ANKRD10: variants seen among roughly 807,000 people sequenced by gnomAD.
ANKRD10 encodes the protein ankyrin repeat domain 10.
A neutral mutation model predicts 27.0 loss-of-function variants in ANKRD10; 14 were observed. That is an observed-to-expected ratio of 0.52 (90% CI 0.34 to 0.81). The LOEUF is 0.81. ANKRD10 is among the 40% of genes least tolerant of loss of function. ANKRD10 has a pLI of 0.01. For synonymous variants in ANKRD10, 250 were observed against 224.5 expected (o/e 1.11, Z -1.01); for missense variants, 493 against 544.0 (o/e 0.91, Z 0.93).
At chr13:110,914,110 G>A (rs1383212445) in intron 1 of ANKRD10, among the ~76,000 whole-genome samples, 1 of 152,206 alleles carries the variant, frequency 6.6e-6, no homozygotes, top group African/African-American at 2.4e-5. Context: ...CCCAGAAGCT[G>A]GAGAGCCGGC....
chr13:110,883,770 G>A lies in ANKRD10; in HGVS notation c.715C>T (p.Pro239Ser). Residue 239 changes from proline to serine, a missense_variant, in exon 5 of 6, where the codon CCA becomes TCA. By Grantham distance (74) the Pro-to-Ser change is moderately conservative. Transcript: ENST00000267339. Reference sequence around the variant, plus strand: ...TCTTCTGTGTCGCCATTCGTGAGTGGCACGGCAGAATCCAAGCTTTGAGCT... The same window carrying A: ...TCTTCTGTGTCGCCATTCGTGAGTGACACGGCAGAATCCAAGCTTTGAGCT... ...TEAQSLDSAV[P>S]LTNGDTEDDA... 6.2e-7 allele frequency: 1 copy of A among 1,614,056 alleles called. No individual in the cohort carries two copies. Among genetic ancestry groups the A allele is most frequent in the Non-Finnish European group, 8.5e-7 (1 of 1,179,978 alleles).
intron 5 of ANKRD10, among the ~76,000 whole-genome samples, chr13:110,882,177 C>T (rs1175410678): frequency 6.6e-6 from 1 of 152,140 alleles, no homozygotes; most frequent in Non-Finnish European, 1.5e-5. Context: ...AAACTAGGGG[C>T]ATTTAAAATG....
intron 1 of ANKRD10, among the ~76,000 whole-genome samples, chr13:110,912,225 T>A (rs999192647): frequency 2.0e-5 from 3 of 152,180 alleles, no homozygotes; most frequent in Admixed American, 2.0e-4. Flanking sequence ...TGCAAGCAAT[T>A]CTCTTCAAGA....
chr13:110,892,435 AAT>A (rs1491132325), intron 4 of ANKRD10, among the ~76,000 whole-genome samples: 7 of 148,818 alleles, frequency 4.7e-5, no homozygotes, highest in East Asian at 2.0e-4. Context: ...AAAAAAAAAA[AAT>A]GGTGGGAGAA....
intron 3 of ANKRD10, among the ~76,000 whole-genome samples, chr13:110,897,622 TG>T (rs962719599): frequency 2.6e-5 from 4 of 152,222 alleles, no homozygotes; most frequent in African/African-American, 9.6e-5. Context: ...AGACACAGGT[TG>T]ATTCCAATCT....
intron 3 of ANKRD10, chr13:110,900,730 C>A (rs2065359331): frequency 7.7e-7 from 1 of 1,305,062 alleles, no homozygotes; most frequent in South Asian, 1.2e-5. Flanking sequence ...TTTACAGATT[C>A]AGAATCTTCT....
intron 2 of ANKRD10, among the ~76,000 whole-genome samples, chr13:110,909,049 T>C (rs866091575): frequency 1.3e-5 from 2 of 152,182 alleles, no homozygotes; most frequent in Admixed American, 1.3e-4. Context: ...AGCAGCACAC[T>C]TTCTGCCTCA....
At position 110,914,711 on chromosome 13, in the gene ANKRD10, G is replaced by A. The variant is rs1362783172; in HGVS notation, c.210+14C>T. On this transcript the variant is annotated intron_variant, in intron 1 of 5. Transcript: ENST00000267339. Reference sequence around the variant, plus strand: ...CAGCCGGGGAAAATGGCGCCTTAAAGCGTTCGCACCCACCTTGCCGAAATG... The same window carrying A: ...CAGCCGGGGAAAATGGCGCCTTAAAACGTTCGCACCCACCTTGCCGAAATG... The A allele has an allele frequency of 2.6e-6, 4 of 1,564,640 alleles. No individual in the cohort carries two copies. The East Asian group carries it at 9.6e-5, about 38-fold the overall frequency.
chr13:110,889,114 C>T (rs936020994), intron 4 of ANKRD10, among the ~76,000 whole-genome samples: 1 of 152,186 alleles, frequency 6.6e-6, no homozygotes. Flanking sequence ...AAAACGACCA[C>T]AGTTTCCAAG....
At position 110,909,688 on chromosome 13, in the gene ANKRD10, C is replaced by A. The variant is rs185692503; in HGVS notation, c.363+930G>T. ...CCTTGTTTTAAATCATGGCTAAAAA[C>A]ACCTTCTTTCTCAATTACTTACTGC... On this transcript the variant is annotated intron_variant, in intron 2 of 5. Coordinates refer to ENST00000267339, the MANE Select transcript of ANKRD10 (RefSeq NM_017664.4). 2.2e-3 allele frequency among the ~76,000 whole-genome samples: 335 copies of A among 152,326 alleles called. 2 individuals are homozygous for A. Among genetic ancestry groups the A allele is most frequent in the Non-Finnish European group, 4.0e-3 (273 of 68,018 alleles).
chr13:110,914,593 G>C (rs571964956), intron 1 of ANKRD10, 132 bp downstream of exon 1: 3 of 1,356,378 alleles, frequency 2.2e-6, no homozygotes, highest in Admixed American at 2.9e-5. Flanking sequence ...GCCCCTCGGG[G>C]CACAGGCGCC....
chr13:110,896,891 T>A (rs564488966), intron 3 of ANKRD10, among the ~76,000 whole-genome samples: 83 of 152,228 alleles, frequency 5.5e-4, no homozygotes, highest in Non-Finnish European at 9.0e-4. Flanking sequence ...AGGCCAGAAC[T>A]GCTGAATAAC....
In ANKRD10 at chr13:110,878,581, T is replaced by C. The variant is rs2064754451; in HGVS notation, c.*1056A>G. Reference sequence around the variant, plus strand: ...TTATTCAATTTGTGAAGGACAGTTTTAGAACAAAATGTTAGTAACACTCTT... The same window carrying C: ...TTATTCAATTTGTGAAGGACAGTTTCAGAACAAAATGTTAGTAACACTCTT... On this transcript the variant is annotated 3_prime_UTR_variant, in exon 6 of 6. Transcript: ENST00000267339. 1 of 152,354 alleles carries C rather than the reference T, an allele frequency of 6.6e-6. No homozygotes were observed. Among genetic ancestry groups the C allele is most frequent in the Non-Finnish European group, 1.5e-5 (1 of 68,042 alleles). The allele number at this position is 152,354 out of a possible 1,614,324, so 9.4% of individuals were successfully genotyped here. A position where few individuals can be genotyped will look rare whatever the true frequency, so the allele number is the denominator to read the frequency against.
At chr13:110,889,240 A>G (rs948082278) in intron 4 of ANKRD10, among the ~76,000 whole-genome samples, 1 of 152,220 alleles carries the variant, frequency 6.6e-6, no homozygotes, top group African/African-American at 2.4e-5. Flanking sequence ...CCCATGCATC[A>G]TACCATCAGA....
At chr13:110,896,109 A>T (rs2065220320) in intron 3 of ANKRD10, among the ~76,000 whole-genome samples, 1 of 152,238 alleles carries the variant, frequency 6.6e-6, no homozygotes, top group Non-Finnish European at 1.5e-5. Context: ...GGGGCACTAG[A>T]AGGCAGACAT....
Position 110,893,085 on chromosome 13 carries a change from G to T in ANKRD10, c.634C>A (p.Arg212=), listed in dbSNP as rs1030521491. ...TCTGAGTCTTCCAAGCATCTCTTTC[G>T]ATTTGTTCCCACACTAATATGATTA... ...FPNHISVGTN[R]KRCLEDSEDF... is the part of the protein sequence containing the mutation. Residue 212 remains arginine, a synonymous_variant, in exon 4 of 6, where the codon CGA becomes AGA. Transcript: ENST00000267339. The T allele has an allele frequency of 4.3e-6, 7 of 1,614,050 alleles. No homozygotes were observed. Among genetic ancestry groups the T allele is most frequent in the African/African-American group, 4.0e-5 (3 of 74,906 alleles).
intron 3 of ANKRD10, chr13:110,900,395 G>C (rs1433197277): frequency 2.2e-6 from 1 of 463,930 alleles, no homozygotes; most frequent in African/African-American, 2.1e-5. Flanking sequence ...TTAAAATTCT[G>C]ATCTCAACTT....
At chr13:110,906,827 G>T (rs758911219) in intron 2 of ANKRD10, among the ~76,000 whole-genome samples, 3 of 152,058 alleles carry the variant, frequency 2.0e-5, no homozygotes, top group Non-Finnish European at 2.9e-5. Context: ...GAGGGGGTGG[G>T]GTGGCGGCGG....
At chr13:110,883,438 G>T in intron 5 of ANKRD10, 1 of 1,048,466 alleles carries the variant, frequency 9.5e-7, no homozygotes, top group Non-Finnish European at 1.2e-6. Flanking sequence ...AACACTTCTT[G>T]TATCTACAAA....
Sources: allele counts gnomAD v4.1 joint callset (sites outside exome capture counted in the v4.1 genomes callset), GRCh38; gene constraint gnomAD v4.1.1; transcripts MANE v1.5; gene names NCBI Gene and HGNC (gene_info 2026-07-23, HGNC 2026-07-21).